Variants in ENOX1 observed in about 807,000 individuals in gnomAD.
ENOX1 encodes the protein ecto-NOX disulfide-thiol exchanger 1, also known as candidate growth-related and time keeping constitutive hydroquinone (NADH) oxidase.
Under a neutral mutation model 82.5 loss-of-function variants are expected in ENOX1, and 42 were observed. That is an observed-to-expected ratio of 0.51 (90% CI 0.40 to 0.66). The LOEUF (loss-of-function observed/expected upper bound fraction) is 0.66, where lower values mean the gene tolerates loss of function less well. Among genes scored for constraint, ENOX1 ranks in the 30% least tolerant of loss-of-function variants. The pLI is 0.00. For synonymous variants in ENOX1, 271 were observed against 282.2 expected (o/e 0.96, Z 0.40); for missense variants, 608 against 811.6 (o/e 0.75, Z 3.05).
intron 1 of ENOX1, among the ~76,000 whole-genome samples, chr13:43,679,235 G>A (rs117995044): frequency 3.9e-5 from 6 of 152,190 alleles, no homozygotes; most frequent in Non-Finnish European, 5.9e-5. Flanking sequence ...AGATCTGCTC[G>A]TACCAAATGT....
intron 1 of ENOX1, among the ~76,000 whole-genome samples, chr13:43,700,143 T>C (rs1398054130): frequency 6.6e-6 from 1 of 152,148 alleles, no homozygotes. Flanking sequence ...CACTTGTACA[T>C]TCATAAACGA....
In ENOX1 at chr13:43,460,815, AAAAAAAAAAAAAAAAT is replaced by A. The variant is rs1266189099; in HGVS notation, c.-75+23178_-75+23193del. On this transcript the variant is annotated intron_variant, in intron 3 of 16. Coordinates refer to ENST00000690772, the MANE Select transcript of ENOX1 (RefSeq NM_001347969.2). ...TCTCAAAAAAAAAAAAAAAAAAAAAAAAAAAAAAAAAAAAATAGGGATAGCTCTCTACAAACCAAGG... is the reference window on the plus strand; with the variant it reads ...TCTCAAAAAAAAAAAAAAAAAAAAAAAGGGATAGCTCTCTACAAACCAAGG... 8.7e-3 allele frequency among the ~76,000 whole-genome samples: 791 copies of A among 91,024 alleles called. 75 individuals carry two copies. The highest frequency in any genetic ancestry group is 0.014 in the Non-Finnish European group (624 of 44,434). The allele number at this position is 91,024 out of a possible 152,430, so 59.7% of individuals were successfully genotyped here.
intron 12 of ENOX1, among the ~76,000 whole-genome samples, chr13:43,282,183 T>C (rs1034394112): frequency 6.6e-6 from 1 of 152,168 alleles, no homozygotes; most frequent in African/African-American, 2.4e-5. Context: ...TCTATTACAT[T>C]GATAGATTTT....
chr13:43,342,933 T>C (rs1192041910), intron 9 of ENOX1, among the ~76,000 whole-genome samples: 3 of 152,240 alleles, frequency 2.0e-5, no homozygotes, highest in Admixed American at 6.5e-5. Context: ...CCTCTTTCAA[T>C]AGTTACTGCC....
intron 5 of ENOX1, among the ~76,000 whole-genome samples, chr13:43,367,489 T>C (rs1287109824): frequency 6.6e-6 from 1 of 152,120 alleles, no homozygotes; most frequent in Non-Finnish European, 1.5e-5. Flanking sequence ...GAATGCAATA[T>C]GATGACTGGA....
chr13:43,282,686 A>C (rs2045460598), intron 12 of ENOX1, among the ~76,000 whole-genome samples: 1 of 151,960 alleles, frequency 6.6e-6, no homozygotes, highest in Non-Finnish European at 1.5e-5. Flanking sequence ...AGCTTCCCAA[A>C]GCGCTGGGAT....
intron 1 of ENOX1, among the ~76,000 whole-genome samples, chr13:43,761,696 G>T (rs1223862044): frequency 6.6e-6 from 1 of 152,078 alleles, no homozygotes; most frequent in Non-Finnish European, 1.5e-5. Flanking sequence ...ATTTACTCAG[G>T]ATTCTTGGAA....
intron 2 of ENOX1, among the ~76,000 whole-genome samples, chr13:43,506,458 C>T (rs931245335): frequency 2.8e-5 from 4 of 145,012 alleles, no homozygotes; most frequent in African/African-American, 7.5e-5. Flanking sequence ...ACTAGAAATA[C>T]CATTTGACCC....
chr13:43,720,683 A>C lies in ENOX1; in HGVS notation c.-284-53139T>G, dbSNP rs555084205. On this transcript the variant is annotated intron_variant, in intron 1 of 16. Transcript: ENST00000690772. ...TAAGTGAAGCCTGATGGGACACTAGAGCATGGGCACGAGCAGAGGGGTATG... is the reference window on the plus strand; with the variant it reads ...TAAGTGAAGCCTGATGGGACACTAGCGCATGGGCACGAGCAGAGGGGTATG... Among the ~76,000 whole-genome samples the C allele has an allele frequency of 2.8e-4, 43 of 152,260 alleles. 3 individuals carry two copies. Among genetic ancestry groups the C allele is most frequent in the African/African-American group, 9.9e-4 (41 of 41,540 alleles).
chr13:43,445,559 G>A (rs1016272527), intron 3 of ENOX1, among the ~76,000 whole-genome samples: 2 of 152,100 alleles, frequency 1.3e-5, no homozygotes, highest in Non-Finnish European at 2.9e-5. Context: ...TCCTGGCTTG[G>A]GGGTTCTGAA....
intron 2 of ENOX1, among the ~76,000 whole-genome samples, chr13:43,497,150 T>C (rs968156772): frequency 2.6e-5 from 4 of 152,174 alleles, no homozygotes; most frequent in East Asian, 1.9e-4. Context: ...TAAGTTCAAA[T>C]AGATCTTTTT....
chr13:43,295,936 G>C (rs1297405134), intron 12 of ENOX1, among the ~76,000 whole-genome samples: 3 of 152,076 alleles, frequency 2.0e-5, no homozygotes, highest in African/African-American at 4.8e-5. Flanking sequence ...AGCCACCGGG[G>C]ACCCAGTGCT....
intron 2 of ENOX1, among the ~76,000 whole-genome samples, chr13:43,539,988 T>C (rs1471832302): frequency 6.6e-6 from 1 of 152,178 alleles, no homozygotes. Context: ...GTGGAGAGCA[T>C]TAGTATTTAC....
chr13:43,649,406 G>A (rs1407120891), intron 2 of ENOX1, among the ~76,000 whole-genome samples: 1 of 152,150 alleles, frequency 6.6e-6, no homozygotes, highest in Non-Finnish European at 1.5e-5. Flanking sequence ...GGGCTAAGCT[G>A]AGGCATAAAA....
At chr13:43,689,899 T>C (rs1594421002) in intron 1 of ENOX1, among the ~76,000 whole-genome samples, 1 of 152,328 alleles carries the variant, frequency 6.6e-6, no homozygotes, top group Admixed American at 6.5e-5. Context: ...TTTGCATGTC[T>C]GTTCTTGGCT....
chr13:43,759,523 A>T (rs1363516653), intron 1 of ENOX1, among the ~76,000 whole-genome samples: 2 of 152,252 alleles, frequency 1.3e-5, no homozygotes, highest in Admixed American at 1.3e-4. Flanking sequence ...ATACTGAAAC[A>T]GTCTCCACAA....
At chr13:43,319,045 G>C (rs1384787016) in intron 11 of ENOX1, among the ~76,000 whole-genome samples, 1 of 152,142 alleles carries the variant, frequency 6.6e-6, no homozygotes, top group African/African-American at 2.4e-5. Flanking sequence ...GAGGAAGAGA[G>C]AGAGAAAGAG....
intron 1 of ENOX1, among the ~76,000 whole-genome samples, chr13:43,700,510 A>G (rs920203321): frequency 6.6e-6 from 1 of 152,090 alleles, no homozygotes; most frequent in Non-Finnish European, 1.5e-5. Flanking sequence ...ACAATTATCA[A>G]TTTACAGGAA....
At chr13:43,347,789 T>C (rs921717853) in intron 8 of ENOX1, among the ~76,000 whole-genome samples, 1 of 152,236 alleles carries the variant, frequency 6.6e-6, no homozygotes, top group African/African-American at 2.4e-5. Context: ...CCAAATACTT[T>C]CTGTGAACAT....
Sources: gnomAD v4.1 joint callset for allele counts (sites outside exome capture counted in the v4.1 genomes callset) on GRCh38, gnomAD v4.1.1 for gene constraint, MANE v1.5 for transcripts, NCBI Gene and HGNC (gene_info 2026-07-23, HGNC 2026-07-21) for gene names.